Variants in CALD1 observed in about 807,000 individuals in gnomAD.
CALD1 encodes caldesmon.
Under a neutral mutation model 99.9 loss-of-function variants are expected in CALD1, and 33 were observed. The ratio of observed to expected loss-of-function variants is 0.33; its 90% CI spans 0.25 to 0.44. The LOEUF (loss-of-function observed/expected upper bound fraction) is 0.44, where lower values mean the gene tolerates loss of function less well. CALD1 is among the 20% of genes least tolerant of loss of function. The pLI is 1.00. For synonymous variants in CALD1, 310 were observed against 325.0 expected (o/e 0.95, Z 0.50); for missense variants, 861 against 962.1 (o/e 0.89, Z 1.39).
intron 1 of CALD1, among the ~76,000 whole-genome samples, chr7:134,772,436 C>T (rs1201657519): frequency 6.6e-6 from 1 of 152,170 alleles, no homozygotes; most frequent in East Asian, 1.9e-4. Context: ...GCCTAAACAA[C>T]ATACTAATTC....
chr7:134,875,997 C>A (rs1459042899), intron 3 of CALD1, among the ~76,000 whole-genome samples: 1 of 152,202 alleles, frequency 6.6e-6, no homozygotes, highest in African/African-American at 2.4e-5. Flanking sequence ...TTAGTCACAT[C>A]ATCACTCTTA....
chr7:134,772,354 C>T (rs1396528287), intron 1 of CALD1, among the ~76,000 whole-genome samples: 2 of 152,162 alleles, frequency 1.3e-5, no homozygotes, highest in Admixed American at 1.3e-4. Context: ...CTCAGCCTCC[C>T]AAAATACTGG....
intron 3 of CALD1, among the ~76,000 whole-genome samples, chr7:134,899,214 T>C (rs1200358450): frequency 6.6e-6 from 1 of 151,640 alleles, no homozygotes; most frequent in Admixed American, 6.6e-5. Context: ...TTTCTTTTTT[T>C]TTTTTTTTTG....
chr7:134,740,855 A>C (rs76274238), upstream of CALD1, among the ~76,000 whole-genome samples: 7,528 of 152,292 alleles, frequency 0.049, 287 homozygotes, highest in Non-Finnish European at 0.067. Flanking sequence ...AATACCACCA[A>C]CAATGGTTGG....
chr7:134,840,044 C>T (rs1429521041), intron 1 of CALD1, among the ~76,000 whole-genome samples: 2 of 152,110 alleles, frequency 1.3e-5, no homozygotes, highest in African/African-American at 4.8e-5. Flanking sequence ...CTAGCATCTC[C>T]ACTCTTTTTA....
At chr7:134,732,510 C>A in the CALD1 span, among the ~76,000 whole-genome samples, 2 of 152,214 alleles carry the variant, frequency 1.3e-5, no homozygotes, top group Non-Finnish European at 2.9e-5. Context: ...AATGAGGACT[C>A]ACAGAAGGTG....
chr7:134,818,851 A>C (rs1360243174), intron 1 of CALD1, among the ~76,000 whole-genome samples: 1 of 152,160 alleles, frequency 6.6e-6, no homozygotes, highest in Non-Finnish European at 1.5e-5. Flanking sequence ...TGCAAGATGG[A>C]AACCAAGCAG....
intron 7 of CALD1, among the ~76,000 whole-genome samples, chr7:134,942,085 G>A (rs1175044379): frequency 6.6e-6 from 1 of 152,130 alleles, no homozygotes; most frequent in East Asian, 1.9e-4. Flanking sequence ...CAACCACTGG[G>A]GCCAAATTCC....
intron 1 of CALD1, among the ~76,000 whole-genome samples, chr7:134,772,757 T>G (rs959881197): frequency 1.3e-5 from 2 of 152,244 alleles, no homozygotes; most frequent in Non-Finnish European, 2.9e-5. Context: ...TTATTGCAAG[T>G]GCTTTTGCCA....
At chr7:134,935,511 G>A (rs1253534917) in intron 5 of CALD1, among the ~76,000 whole-genome samples, 177 bp from the exon 6 acceptor site, 2 of 152,166 alleles carry the variant, frequency 1.3e-5, no homozygotes, top group African/African-American at 4.8e-5. Flanking sequence ...AGATGTTGGG[G>A]TGGGAAGAAA....
chr7:134,713,341 A>G, the CALD1 span, among the ~76,000 whole-genome samples: 1,671 of 152,234 alleles, frequency 0.011, 31 homozygotes, highest in African/African-American at 0.035. Context: ...ATAGTAAATA[A>G]TTTCCTTTTA....
At chr7:134,842,838 T>C (rs1799703954) in intron 1 of CALD1, among the ~76,000 whole-genome samples, 1 of 152,228 alleles carries the variant, frequency 6.6e-6, no homozygotes, top group Non-Finnish European at 1.5e-5. Flanking sequence ...AGCTAGAGGT[T>C]TCCTGGGGGT....
intron 1 of CALD1, among the ~76,000 whole-genome samples, chr7:134,762,242 T>G (rs990477460): frequency 1.3e-5 from 2 of 152,152 alleles, no homozygotes; most frequent in Non-Finnish European, 2.9e-5. Flanking sequence ...TCTAAGTGAG[T>G]GTAGTCCCAG....
intron 1 of CALD1, among the ~76,000 whole-genome samples, chr7:134,841,603 A>T (rs1403830519): frequency 6.6e-6 from 1 of 152,174 alleles, no homozygotes; most frequent in East Asian, 1.9e-4. Flanking sequence ...CTACCTAGCA[A>T]AAAAGGGAGT....
chr7:134,766,500 G>T (rs1796828156), intron 1 of CALD1, among the ~76,000 whole-genome samples: 2 of 152,166 alleles, frequency 1.3e-5, no homozygotes, highest in Admixed American at 1.3e-4. Context: ...ATGCTAGAAT[G>T]GCCTAATACA....
At chr7:134,776,319 GT>G (rs1419568845), upstream of CALD1, among the ~76,000 whole-genome samples, 5 of 151,834 alleles carry the variant, frequency 3.3e-5, no homozygotes, top group East Asian at 5.8e-4. Flanking sequence ...TTTTCCAAGA[GT>G]TTTTTTTCCA....
At chr7:134,967,603 A>G (rs905017095) in intron 14 of CALD1, among the ~76,000 whole-genome samples, 3 of 152,112 alleles carry the variant, frequency 2.0e-5, no homozygotes, top group Non-Finnish European at 4.4e-5. Context: ...CTAAAGATAA[A>G]CATCCTCCTT....
At chr7:134,891,802 G>A (rs1802216596) in intron 3 of CALD1, 1 of 747,236 alleles carries the variant, frequency 1.3e-6, no homozygotes, top group South Asian at 2.0e-5. Context: ...GGAGACACCA[G>A]GCAGGAAAGG....
the CALD1 span, among the ~76,000 whole-genome samples, chr7:134,727,536 A>C: frequency 1.3e-5 from 2 of 152,270 alleles, no homozygotes; most frequent in Non-Finnish European, 2.9e-5. Flanking sequence ...TAGCTTGAGC[A>C]GGAAGAACAA....
Sources: allele counts gnomAD v4.1 joint callset (sites outside exome capture counted in the v4.1 genomes callset), GRCh38; gene constraint gnomAD v4.1.1; transcripts MANE v1.5; gene names NCBI Gene and HGNC (gene_info 2026-07-23, HGNC 2026-07-21).